PHF12: variants seen among roughly 807,000 people sequenced by gnomAD.
PHF12 encodes PHD finger protein 12.
In PHF12, 6 loss-of-function variants were observed where a neutral mutation model predicts 99.8. The ratio of observed to expected loss-of-function variants is 0.06; its 90% CI spans 0.03 to 0.12. The LOEUF (loss-of-function observed/expected upper bound fraction) is 0.12. PHF12 is among the 10% of genes least tolerant of loss of function. PHF12 has a pLI of 1.00. For synonymous variants in PHF12, 480 were observed against 514.9 expected (o/e 0.93, Z 0.92); for missense variants, 954 against 1,300.1 (o/e 0.73, Z 4.09).
At position 28,906,914 on chromosome 17, in the gene PHF12, C is replaced by T. The variant is rs749947103; in HGVS notation, c.2622G>A (p.Ser874=). ...TTGGGGGGGTTGGCGGGGTCTTCTC[C>T]GAGAAGTCACATGAATACAGCACAT... ...VDNVLYSCDF[S]EKTPPTPPSS... Residue 874 remains serine (S), a synonymous_variant, in exon 14 of 15, where the codon TCG becomes TCA. Coordinates refer to ENST00000332830, the MANE Select transcript of PHF12 (RefSeq NM_001033561.2). The surrounding 1 kb of genome is among the most constrained non-coding windows in gnomAD (Gnocchi z 4.2). 8 of 1,613,200 alleles carry T rather than the reference C, an allele frequency of 5.0e-6. No individual in the cohort carries two copies. The highest frequency in any genetic ancestry group is 1.3e-5 in the African/African-American group (1 of 74,852).
intron 2 of PHF12, among the ~76,000 whole-genome samples, chr17:28,929,417 G>A (rs1271470087): frequency 6.6e-6 from 1 of 151,804 alleles, no homozygotes; most frequent in African/African-American, 2.4e-5. Context: ...AAATTTTTTA[G>A]TATTTTTAGT....
rs2040788051 is a variant in PHF12 at position 28,950,377 on chromosome 17, C to T, written c.67-131G>A. Reference sequence around the variant, plus strand: ...CCTTCTTCCTCCCATCCAGGCTGCTCCCAGAATCTCTCAGCCCCCGGAACC... The same window carrying T: ...CCTTCTTCCTCCCATCCAGGCTGCTTCCAGAATCTCTCAGCCCCCGGAACC... On this transcript the variant is annotated intron_variant, in intron 1 of 14. Transcript: ENST00000332830. The surrounding 1 kb of genome is among the most constrained non-coding windows in gnomAD (Gnocchi z 5.7). 2 of 1,049,078 alleles carry T rather than the reference C, an allele frequency of 1.9e-6. No individual in the cohort carries two copies. Among genetic ancestry groups the T allele is most frequent in the Non-Finnish European group, 2.7e-6 (2 of 747,052 alleles). The allele number at this position is 1,049,078 out of a possible 1,614,324, so 65.0% of individuals were successfully genotyped here.
At chr17:28,924,565 T>A (rs2040231429) in intron 3 of PHF12, 1 of 535,566 alleles carries the variant, frequency 1.9e-6, no homozygotes, top group Non-Finnish European at 3.4e-6. Flanking sequence ...ATCATTAACA[T>A]TAACTCATTG....
chr17:28,934,225 T>C (rs909199304), intron 2 of PHF12, among the ~76,000 whole-genome samples: 1 of 152,208 alleles, frequency 6.6e-6, no homozygotes, highest in Non-Finnish European at 1.5e-5. Context: ...AGAACATACA[T>C]AATCAACTAC....
At chr17:28,926,952 C>G in intron 3 of PHF12, 39 bp downstream of exon 3, 1 of 1,611,166 alleles carries the variant, frequency 6.2e-7, no homozygotes, top group Admixed American at 1.7e-5. Flanking sequence ...TGCTCTGGAT[C>G]AGGCTTTCTG....
At chr17:28,931,351 G>T (rs2040400477) in intron 2 of PHF12, among the ~76,000 whole-genome samples, 1 of 151,386 alleles carries the variant, frequency 6.6e-6, no homozygotes, top group South Asian at 2.1e-4. Context: ...TGCCTCCAGG[G>T]TTCAAGCGAT....
intron 13 of PHF12, 34 bp from the exon 14 acceptor site, chr17:28,907,028 C>T (rs770275464): frequency 1.9e-6 from 3 of 1,580,264 alleles, no homozygotes; most frequent in East Asian, 2.3e-5. Flanking sequence ...GATGTGTGGT[C>T]TGCTGTGTGG....
In PHF12 at chr17:28,950,013, A is replaced by C; in HGVS notation, c.248+52T>G. 1.4e-6 allele frequency: 2 copies of C among 1,479,256 alleles called. No homozygotes were observed. Among genetic ancestry groups the C allele is most frequent in the Non-Finnish European group, 1.8e-6 (2 of 1,101,706 alleles). The allele number at this position is 1,479,256 out of a possible 1,614,324, so 91.6% of individuals were successfully genotyped here. A position where few individuals can be genotyped will look rare whatever the true frequency, so the allele number is the denominator to read the frequency against. ...AGTCAGGGGCAGGCCGGGTGAAGGA[A>C]TGCGCAGAGAAGGGTCCGCCAAGAA... On this transcript the variant is annotated intron_variant, in intron 2 of 14. Coordinates refer to ENST00000332830, the MANE Select transcript of PHF12 (RefSeq NM_001033561.2). The surrounding 1 kb of genome is among the most constrained non-coding windows in gnomAD (Gnocchi z 5.7).
chr17:28,950,452 C>T lies in PHF12; in HGVS notation c.67-206G>A, dbSNP rs1180963103. ...TCCTGCAGCACAACAACGAGAACAG[C>T]TTCTTCCAAATGGGGAGGATCAAGG... On this transcript the variant is annotated intron_variant, in intron 1 of 14. Coordinates refer to ENST00000332830, the MANE Select transcript of PHF12 (RefSeq NM_001033561.2). The surrounding 1 kb of genome is among the most constrained non-coding windows in gnomAD (Gnocchi z 5.7). 6 of 605,422 alleles carry T rather than the reference C, an allele frequency of 9.9e-6. No homozygotes were observed. The highest frequency in any genetic ancestry group is 1.7e-5 in the Non-Finnish European group (6 of 346,198). The allele number at this position is 605,422 out of a possible 1,614,324, so 37.5% of individuals were successfully genotyped here.
rs2040807253 is a variant in PHF12, at chr17:28,951,271, C to T, written c.-311G>A. 2.6e-6 allele frequency: 3 copies of T among 1,175,134 alleles called. No individual in the cohort carries two copies. Among genetic ancestry groups the T allele is most frequent in the Non-Finnish European group, 1.1e-6 (1 of 947,196 alleles). The allele number at this position is 1,175,134 out of a possible 1,614,324, so 72.8% of individuals were successfully genotyped here. A position where few individuals can be genotyped will look rare whatever the true frequency, so the allele number is the denominator to read the frequency against. On this transcript the variant is annotated 5_prime_UTR_variant, in exon 1 of 15. Coordinates refer to ENST00000332830, the MANE Select transcript of PHF12 (RefSeq NM_001033561.2). ...CACAGGCTAAAGCCGGCACTGGCGACAGCCGGTCCGGCCGGGAAGGCTGGC... is the reference window on the plus strand; with the variant it reads ...CACAGGCTAAAGCCGGCACTGGCGATAGCCGGTCCGGCCGGGAAGGCTGGC...
intron 8 of PHF12, among the ~76,000 whole-genome samples, chr17:28,913,634 G>C (rs1435518493): frequency 6.6e-6 from 1 of 152,170 alleles, no homozygotes; most frequent in Non-Finnish European, 1.5e-5. Flanking sequence ...CTACAGTATA[G>C]ATTTGCCCAT....
intron 2 of PHF12, among the ~76,000 whole-genome samples, chr17:28,931,042 CAG>C (rs1380779433): frequency 1.3e-5 from 2 of 152,144 alleles, no homozygotes; most frequent in African/African-American, 4.8e-5. Context: ...GTTTGGGCAA[CAG>C]AGTGAGACCC....
Position 28,908,880 on chromosome 17 carries a change from C to A in PHF12, c.2361G>T (p.Val787=). Reference sequence around the variant, plus strand: ...CTCGGGCCTGTACCTCCTTTCTTTGCACTACAAGACAAACATAGGAATAGG... The same window carrying A: ...CTCGGGCCTGTACCTCCTTTCTTTGAACTACAAGACAAACATAGGAATAGG... ...QLASGGHHIE[V]QRKEVQARAV... is the part of the protein sequence containing the mutation. The change falls in exon 12 of 15, where the codon GTG becomes GTT. Residue 787 remains valine, a splice_region_variant and synonymous_variant. Transcript: ENST00000332830. 6.2e-7 allele frequency: 1 copy of A among 1,611,934 alleles called. No homozygotes were observed. The highest frequency in any genetic ancestry group is 8.5e-7 in the Non-Finnish European group (1 of 1,178,356).
Position 28,924,026 on chromosome 17 carries a change from C to T in PHF12, c.598G>A (p.Asp200Asn), listed in dbSNP as rs1260943967. The stretch of plus-strand genomic sequence containing the variant: ...CGCCTCAGCTGGGGCTGCACATAGT[C>T]TGGCTCCGCTGCTACTGGTTCCTCA... ...VDEEPVAAEP[D>N]YVQPQLRRPF... The change falls in exon 4 of 15, where the codon GAC becomes AAC. Residue 200 changes from aspartate (D) to asparagine (N), a missense_variant. This residue lies in a region of PHF12 where 109 missense variants were observed against 145.4 expected (regional missense o/e 0.75). Transcript: ENST00000332830. 1.2e-6 allele frequency: 2 copies of T among 1,614,072 alleles called. No individual in the cohort carries two copies. Among genetic ancestry groups the T allele is most frequent in the Non-Finnish European group, 1.7e-6 (2 of 1,180,050 alleles).
chr17:28,917,596 A>C, intron 6 of PHF12, 147 bp from the exon 7 acceptor site: 1 of 844,584 alleles, frequency 1.2e-6, no homozygotes, highest in Non-Finnish European at 1.8e-6. Context: ...ACTCTTTGTC[A>C]GAGAGCAAGG....
rs1418425674 is a variant in PHF12, at chr17:28,928,280, C to T, written c.249-1217G>A. ...AAACCACCCAGCAGAGCCCAGGCAACCCTCAGAACTGTGAGAGATAATAAT... is the reference window on the plus strand; with the variant it reads ...AAACCACCCAGCAGAGCCCAGGCAATCCTCAGAACTGTGAGAGATAATAAT... On this transcript the variant is annotated intron_variant, in intron 2 of 14. Transcript: ENST00000332830. 3 of 152,240 alleles carry T rather than the reference C, an allele frequency of 2.0e-5. No individual in the cohort carries two copies. The East Asian group carries it at 5.8e-4, about 29-fold the overall frequency. 9.4% of individuals were successfully genotyped at this position (152,240 alleles called of 1,614,324 possible).
Position 28,906,236 on chromosome 17 carries a change from G to A in PHF12, c.2962C>T (p.Leu988Phe), listed in dbSNP as rs375277750. The A allele has an allele frequency of 1.2e-6, 2 of 1,612,334 alleles. No individual in the cohort carries two copies. The highest frequency in any genetic ancestry group is 8.5e-7 in the Non-Finnish European group (1 of 1,178,576). Reference protein sequence around the residue: ...LLQDGVLAEKLSLKPHQGPVL... With the variant: ...LLQDGVLAEKFSLKPHQGPVL... ...GGGCCCTGGTGGGGCTTGAGAGAGA[G>A]CTTCTCGGCCAAGACCCCATCCTGC... The change falls in exon 15 of 15, where the codon CTC becomes TTC. Residue 988 changes from leucine to phenylalanine, a missense_variant. Leu to Phe is a conservative substitution (Grantham distance 22). This residue lies in a region of PHF12 where 136 missense variants were observed against 172.3 expected (regional missense o/e 0.79). Transcript: ENST00000332830. The surrounding 1 kb of genome is among the most constrained non-coding windows in gnomAD (Gnocchi z 4.2).
intron 3 of PHF12, chr17:28,925,656 G>T (rs2152668068): frequency 6.6e-6 from 1 of 152,316 alleles, no homozygotes; most frequent in African/African-American, 2.4e-5. Flanking sequence ...TGGAATGAGA[G>T]AATTTGGTTC....
At chr17:28,919,954 C>G (rs2040133089) in intron 5 of PHF12, among the ~76,000 whole-genome samples, 1 of 152,146 alleles carries the variant, frequency 6.6e-6, no homozygotes, top group Non-Finnish European at 1.5e-5. Flanking sequence ...GATCTTCCTA[C>G]TTCTTAAAAG....
Sources: gnomAD v4.1 joint callset for allele counts (sites outside exome capture counted in the v4.1 genomes callset) on GRCh38, gnomAD v4.1.1 for gene constraint, gnomAD v4.1.1 regional missense constraint, Gnocchi (gnomAD v3.1) non-coding constraint, MANE v1.5 for transcripts, NCBI Gene and HGNC (gene_info 2026-07-23, HGNC 2026-07-21) for gene names.